Variants in NSL1 observed in about 807,000 individuals in gnomAD.
NSL1 encodes NSL1 component of MIS12 kinetochore complex.
NSL1 carries 11 observed loss-of-function variants against 25.4 expected under a neutral mutation model. The observed-to-expected ratio is 0.43, with a 90% CI of 0.27 to 0.72. NSL1 has a LOEUF of 0.72. NSL1 is among the 30% of genes least tolerant of loss of function. NSL1 has a pLI of 0.19. For missense variants in NSL1, 330 were observed against 342.7 expected, an observed-to-expected ratio of 0.96 and a Z score of 0.29; for synonymous variants, 118 against 120.6, an observed-to-expected ratio of 0.98 and a Z score of 0.14.
At chr1:212,771,140 C>A (rs1321488954) in intron 4 of NSL1, among the ~76,000 whole-genome samples, 1 of 152,010 alleles carries the variant, frequency 6.6e-6, no homozygotes, top group Non-Finnish European at 1.5e-5. Flanking sequence ...ATGGAGAAAC[C>A]CCATCTCTAC....
rs1004791414 is a variant in NSL1, at chr1:212,726,210, G to T, written c.*12198C>A. 6.6e-6 allele frequency: 1 copy of T among 151,746 alleles called. No homozygotes were observed. Among genetic ancestry groups the T allele is most frequent in the African/African-American group, 2.4e-5 (1 of 41,034 alleles). 9.4% of individuals were successfully genotyped at this position (151,746 alleles called of 1,614,324 possible). ...GAAAAATGCAGCCTCTCACATCAGT[G>T]GGGGAAAAGAGGTACTATTCAATAA... On this transcript the variant is annotated 3_prime_UTR_variant, in exon 6 of 6. Coordinates refer to ENST00000366977, the MANE Select transcript of NSL1 (RefSeq NM_015471.4).
At chr1:212,753,738 T>C (rs1257060396) in intron 4 of NSL1, among the ~76,000 whole-genome samples, 2 of 152,162 alleles carry the variant, frequency 1.3e-5, no homozygotes, top group Non-Finnish European at 2.9e-5. Flanking sequence ...AATGTAAATA[T>C]AATATTAAAA....
In NSL1 at chr1:212,745,171, T is replaced by A. The variant is rs1343282151; in HGVS notation, c.500-5570A>T. 1.4e-3 allele frequency among the ~76,000 whole-genome samples: 34 copies of A among 24,688 alleles called. No homozygotes were observed. The South Asian group carries it at 0.016, about 11-fold the overall frequency. 16.2% of individuals were successfully genotyped at this position (24,688 alleles called of 152,430 possible). ...AACAAACAAACAAACTATATATATATATATATATATATATATATATATATA... is the reference window on the plus strand; with the variant it reads ...AACAAACAAACAAACTATATATATAAATATATATATATATATATATATATA... On this transcript the variant is annotated intron_variant, in intron 4 of 5. Coordinates refer to ENST00000366977, the MANE Select transcript of NSL1 (RefSeq NM_015471.4).
Position 212,760,142 on chromosome 1 carries a change from GCACACA to G in NSL1, c.500-20547_500-20542del, listed in dbSNP as rs142657388. On this transcript the variant is annotated intron_variant, in intron 4 of 5. Coordinates refer to ENST00000366977, the MANE Select transcript of NSL1 (RefSeq NM_015471.4). The surrounding 1 kb of genome is among the most constrained non-coding windows in gnomAD (Gnocchi z 4.3). Reference sequence around the variant, plus strand: ...ACCTGCCCCGCCAGCTGCTTCTGGGGCACACACACACACACACCATAAGGGAGCTTA... The same window carrying G: ...ACCTGCCCCGCCAGCTGCTTCTGGGGCACACACACACCATAAGGGAGCTTA... Among the ~76,000 whole-genome samples, 6 of 150,406 alleles carry G rather than the reference GCACACA, an allele frequency of 4.0e-5. No homozygotes were observed. The South Asian group carries it at 8.5e-4, about 21-fold the overall frequency.
At chr1:212,783,217 T>C (rs1660801495) in intron 3 of NSL1, among the ~76,000 whole-genome samples, 1 of 152,144 alleles carries the variant, frequency 6.6e-6, no homozygotes, top group Non-Finnish European at 1.5e-5. Context: ...TATTTTGCAT[T>C]ACTTTTTAAA....
At chr1:212,764,132 A>C in intron 4 of NSL1, 1 of 250,474 alleles carries the variant, frequency 4.0e-6, no homozygotes. Flanking sequence ...AGGAACTCTC[A>C]AAATTATACA....
chr1:212,775,764 A>T lies in NSL1; in HGVS notation c.499+6608T>A, dbSNP rs576120964. Among the ~76,000 whole-genome samples, 77 of 152,352 alleles carry T rather than the reference A, an allele frequency of 5.1e-4. 1 individual carries two copies. Among genetic ancestry groups the T allele is most frequent in the African/African-American group, 1.6e-3 (67 of 41,578 alleles). On this transcript the variant is annotated intron_variant, in intron 4 of 5. Transcript: ENST00000366977. ...CAAGAAACAACTTACAAAATTTGGG[A>T]ATTTTGATTCATAAATGTAATTAAT...
chr1:212,789,769 T>TA (rs1320610825), intron 1 of NSL1, among the ~76,000 whole-genome samples: 1 of 152,178 alleles, frequency 6.6e-6, no homozygotes, highest in Non-Finnish European at 1.5e-5. Context: ...AAATAGGATA[T>TA]AATAGGTTAA....
At chr1:212,780,704 A>C (rs931544832) in intron 4 of NSL1, among the ~76,000 whole-genome samples, 2 of 152,190 alleles carry the variant, frequency 1.3e-5, no homozygotes, top group Admixed American at 1.3e-4. Context: ...ATATGATTCT[A>C]CCAGTTCGGT....
chr1:212,733,433 C>CAAAAAAAAAAAAAAAAAAAAAAAAAA lies in NSL1; in HGVS notation c.*4974_*4975insTTTTTTTTTTTTTTTTTTTTTTTTTT, dbSNP rs140675222. On this transcript the variant is annotated 3_prime_UTR_variant, in exon 6 of 6. Transcript: ENST00000366977. ...GGCAACACAGCAAGACCTTGTTTCA[C>CAAAAAAAAAAAAAAAAAAAAAAAAAA]AAAAAAAAAAAAAAAAAAATCCCAT... Among the ~76,000 whole-genome samples the CAAAAAAAAAAAAAAAAAAAAAAAAAA allele has an allele frequency of 1.5e-5, 2 of 135,888 alleles. No homozygotes were observed. Among genetic ancestry groups the CAAAAAAAAAAAAAAAAAAAAAAAAAA allele is most frequent in the African/African-American group, 5.4e-5 (2 of 37,268 alleles). 89.1% of individuals were successfully genotyped at this position (135,888 alleles called of 152,430 possible). A position where few individuals can be genotyped will look rare whatever the true frequency, so the allele number is the denominator to read the frequency against.
At position 212,737,741 on chromosome 1, in the gene NSL1, G is replaced by A; in HGVS notation, c.*667C>T. The A allele has an allele frequency of 3.0e-6, 3 of 983,714 alleles. No homozygotes were observed. The highest frequency in any genetic ancestry group is 3.6e-6 in the Non-Finnish European group (3 of 828,394). 60.9% of individuals were successfully genotyped at this position (983,714 alleles called of 1,614,324 possible). ...GTTAATGGTCTATAGAAAAAAGTGA[G>A]TGTGGGCAGGAAACATTGGCTACAT... On this transcript the variant is annotated 3_prime_UTR_variant, in exon 6 of 6. Coordinates refer to ENST00000366977, the MANE Select transcript of NSL1 (RefSeq NM_015471.4).
chr1:212,786,502 A>G (rs951767028), intron 2 of NSL1, among the ~76,000 whole-genome samples: 1 of 152,196 alleles, frequency 6.6e-6, no homozygotes, highest in Non-Finnish European at 1.5e-5. Context: ...TGATAAAGCT[A>G]CAATTAAAAT....
At chr1:212,766,890 GA>G (rs1331684207) in intron 4 of NSL1, among the ~76,000 whole-genome samples, 1 of 152,136 alleles carries the variant, frequency 6.6e-6, no homozygotes, top group East Asian at 1.9e-4. Flanking sequence ...CCAAGGAGGT[GA>G]AGGCCCTCTA....
rs961915614 is a variant in NSL1 at position 212,733,956 on chromosome 1, T to G, written c.*4452A>C. 4.6e-5 allele frequency among the ~76,000 whole-genome samples: 7 copies of G among 152,230 alleles called. No homozygotes were observed. Among genetic ancestry groups the G allele is most frequent in the Non-Finnish European group, 8.8e-5 (6 of 68,036 alleles). ...CTTTATGAACTTATTCTCTTTATTC[T>G]TACTTTTCTAATTTGCCATTTCTTA... On this transcript the variant is annotated 3_prime_UTR_variant, in exon 6 of 6. Coordinates refer to ENST00000366977, the MANE Select transcript of NSL1 (RefSeq NM_015471.4).
chr1:212,786,464 A>G (rs1168156246), intron 2 of NSL1, among the ~76,000 whole-genome samples: 1 of 151,824 alleles, frequency 6.6e-6, no homozygotes, highest in African/African-American at 2.4e-5. Context: ...TTTTGTAGAG[A>G]GGAACATGCT....
chr1:212,782,064 T>C (rs761703235), intron 4 of NSL1: 37 of 604,996 alleles, frequency 6.1e-5, no homozygotes, highest in South Asian at 4.3e-4. Flanking sequence ...ATGCAAAGAA[T>C]AGATAGTACA....
At position 212,737,009 on chromosome 1, in the gene NSL1, T is replaced by C; in HGVS notation, c.*1399A>G. The C allele has an allele frequency of 1.0e-6, 1 of 984,754 alleles. No homozygotes were observed. The highest frequency in any genetic ancestry group is 1.2e-6 in the Non-Finnish European group (1 of 829,280). 61.0% of individuals were successfully genotyped at this position (984,754 alleles called of 1,614,324 possible). On this transcript the variant is annotated 3_prime_UTR_variant, in exon 6 of 6. Transcript: ENST00000366977. The stretch of plus-strand genomic sequence containing the variant: ...ACAGAATTTTAATACTATAAAAACA[T>C]TAGCACTGTAAAAACAGCAACATAT...
chr1:212,762,342 A>G (rs1483456654), intron 4 of NSL1, among the ~76,000 whole-genome samples: 1 of 151,512 alleles, frequency 6.6e-6, no homozygotes, highest in African/African-American at 2.4e-5. Context: ...GAAGTTTACG[A>G]ATTTGTGTTA....
chr1:212,784,231 G>A, intron 3 of NSL1, 132 bp downstream of exon 3: 1 of 555,900 alleles, frequency 1.8e-6, no homozygotes, highest in Admixed American at 3.3e-5. Flanking sequence ...TCTTACAAGA[G>A]ACAAACAATA....
Sources: allele counts gnomAD v4.1 joint callset (sites outside exome capture counted in the v4.1 genomes callset), GRCh38; gene constraint gnomAD v4.1.1; non-coding constraint Gnocchi (gnomAD v3.1); transcripts MANE v1.5; gene names NCBI Gene and HGNC (gene_info 2026-07-23, HGNC 2026-07-21).